PDS5B: variants seen among roughly 807,000 people sequenced by gnomAD.
The protein encoded by PDS5B is sister chromatid cohesion protein PDS5 homolog B.
PDS5B carries 51 observed loss-of-function variants against 184.1 expected under a neutral mutation model. The observed-to-expected ratio is 0.28, with a 90% confidence interval of 0.22 to 0.35. The LOEUF (loss-of-function observed/expected upper bound fraction) is 0.35. Ranked by LOEUF, PDS5B falls within the 10% of genes least tolerant of loss-of-function variation. PDS5B has a pLI of 1.00. For synonymous variants in PDS5B, 566 were observed against 569.2 expected, an observed-to-expected ratio of 0.99 and a Z score of 0.08; for missense variants, 1,180 against 1,723.3, an observed-to-expected ratio of 0.68 and a Z score of 5.58.
At chr13:32,768,032 T>C (rs1292814804) in intron 31 of PDS5B, among the ~76,000 whole-genome samples, 1 of 152,174 alleles carries the variant, frequency 6.6e-6, no homozygotes, top group Admixed American at 6.5e-5. Context: ...TCTTTGGGAG[T>C]GGAAAATCCA....
intron 1 of PDS5B, among the ~76,000 whole-genome samples, chr13:32,614,717 G>A (rs1044775945): frequency 6.6e-6 from 1 of 152,316 alleles, no homozygotes; most frequent in Non-Finnish European, 1.5e-5. Context: ...TTTTACAAAC[G>A]TAAAAACGTT....
chr13:32,620,965 A>G (rs758282254), intron 1 of PDS5B, among the ~76,000 whole-genome samples: 6 of 152,244 alleles, frequency 3.9e-5, no homozygotes, highest in African/African-American at 1.4e-4. Context: ...TGGCCAACAT[A>G]GTAACCACTA....
At position 32,739,537 on chromosome 13, in the gene PDS5B, GA is replaced by G. The variant is rs1347978676; in HGVS notation, c.2407-1541del. ...AAATTCTAATTTTGTCAATTATAAA[GA>G]ATGCCAGCTTTGATTATTTTCTAAT... On this transcript the variant is annotated intron_variant, in intron 21 of 34. Transcript: ENST00000315596. Among the ~76,000 whole-genome samples, 5 of 152,032 alleles carry G rather than the reference GA, an allele frequency of 3.3e-5. No individual in the cohort carries two copies. In the East Asian group the frequency reaches 9.6e-4, roughly 29 times the overall value.
intron 1 of PDS5B, among the ~76,000 whole-genome samples, chr13:32,604,953 T>G (rs1010499999): frequency 6.6e-6 from 1 of 152,194 alleles, no homozygotes; most frequent in African/African-American, 2.4e-5. Flanking sequence ...ATCTATTTGA[T>G]TCTTCTCTCT....
In PDS5B at chr13:32,698,548, ATT is replaced by A. The variant is rs1352609062; in HGVS notation, c.1601-1181_1601-1180del. On this transcript the variant is annotated intron_variant, in intron 15 of 34. Coordinates refer to ENST00000315596, the MANE Select transcript of PDS5B (RefSeq NM_015032.4). ...TCTCTTTCCTTGCAGATTTTTTTCT[ATT>A]ACAGAAACAGGAAAAGGTCATACAG... 2.6e-5 allele frequency among the ~76,000 whole-genome samples: 4 copies of A among 152,090 alleles called. No homozygotes were observed. The East Asian group carries it at 7.7e-4, about 29-fold the overall frequency.
intron 1 of PDS5B, among the ~76,000 whole-genome samples, chr13:32,630,354 C>G (rs1367485273): frequency 6.6e-6 from 1 of 152,124 alleles, no homozygotes; most frequent in Non-Finnish European, 1.5e-5. Flanking sequence ...TTGGCAATGT[C>G]TGGAGACATT....
chr13:32,755,318 T>C (rs897867964), intron 25 of PDS5B, among the ~76,000 whole-genome samples: 2 of 152,176 alleles, frequency 1.3e-5, no homozygotes, highest in African/African-American at 4.8e-5. Context: ...TGTTTCTTTA[T>C]TTAAAATGCC....
intron 17 of PDS5B, among the ~76,000 whole-genome samples, chr13:32,706,461 G>A (rs571744556): frequency 6.6e-6 from 1 of 151,986 alleles, no homozygotes; most frequent in Non-Finnish European, 1.5e-5. Flanking sequence ...CACCTTTTAG[G>A]AGGAGGCCTA....
chr13:32,638,858 G>A (rs1304667617), intron 1 of PDS5B, among the ~76,000 whole-genome samples: 1 of 151,906 alleles, frequency 6.6e-6, no homozygotes, highest in Non-Finnish European at 1.5e-5. Flanking sequence ...GAGGGAATGG[G>A]TGCAAATGTA....
chr13:32,752,326 A>G (rs971098927), intron 24 of PDS5B, among the ~76,000 whole-genome samples: 3 of 152,164 alleles, frequency 2.0e-5, no homozygotes, highest in Non-Finnish European at 2.9e-5. Flanking sequence ...AACGCGTAAT[A>G]TATATAGGAT....
intron 17 of PDS5B, among the ~76,000 whole-genome samples, chr13:32,703,197 A>G (rs1289529211): frequency 2.0e-5 from 3 of 152,228 alleles, no homozygotes; most frequent in Non-Finnish European, 2.9e-5. Context: ...ATGAGAATGG[A>G]TTAATCTGCT....
intron 23 of PDS5B, 151 bp from the exon 24 acceptor site, chr13:32,745,826 A>G: frequency 1.2e-5 from 8 of 640,674 alleles, no homozygotes; most frequent in Non-Finnish European, 1.9e-5. Context: ...CTTGCATTTC[A>G]ACATAGGAAT....
chr13:32,704,726 T>C (rs1379649309), intron 17 of PDS5B, among the ~76,000 whole-genome samples: 1 of 152,244 alleles, frequency 6.6e-6, no homozygotes, highest in Non-Finnish European at 1.5e-5. Flanking sequence ...TTCCGTAAAA[T>C]TTATTGGCTG....
At chr13:32,618,324 C>T (rs2058248009) in intron 1 of PDS5B, among the ~76,000 whole-genome samples, 1 of 152,144 alleles carries the variant, frequency 6.6e-6, no homozygotes, top group Non-Finnish European at 1.5e-5. Flanking sequence ...ATTTCAGTTA[C>T]CAGTGGTCAA....
intron 3 of PDS5B, among the ~76,000 whole-genome samples, chr13:32,656,595 C>CT (rs561702930): frequency 0.38 from 48,447 of 128,176 alleles, 9,225 homozygotes; most frequent in Non-Finnish European, 0.45. Context: ...CTTTTTGTGG[C>CT]TTTTTTTTTT....
intron 1 of PDS5B, among the ~76,000 whole-genome samples, chr13:32,597,534 AAAAG>A (rs1052632984): frequency 1.1e-4 from 17 of 151,868 alleles, no homozygotes; most frequent in Non-Finnish European, 1.3e-4. Context: ...CTCTTTAAAA[AAAAG>A]AAAGAGGCCG....
chr13:32,760,520 G>A (rs572787245), intron 29 of PDS5B, 55 bp from the exon 30 acceptor site: 59 of 1,545,768 alleles, frequency 3.8e-5, no homozygotes, highest in African/African-American at 1.8e-4. Flanking sequence ...TTCTTTACAC[G>A]TAACTTTCTT....
chr13:32,589,951 A>G (rs2140455942), intron 1 of PDS5B, among the ~76,000 whole-genome samples: 1 of 152,298 alleles, frequency 6.6e-6, no homozygotes, highest in East Asian at 1.9e-4. Flanking sequence ...TAATTAGTTC[A>G]GAATTAAGAA....
intron 19 of PDS5B, among the ~76,000 whole-genome samples, chr13:32,713,844 C>G (rs769703995): frequency 2.0e-5 from 3 of 152,116 alleles, no homozygotes; most frequent in Non-Finnish European, 4.4e-5. Flanking sequence ...GCTAAATTTT[C>G]AGGGATTGCA....
Sources: allele counts gnomAD v4.1 joint callset (sites outside exome capture counted in the v4.1 genomes callset), GRCh38; gene constraint gnomAD v4.1.1; transcripts MANE v1.5; gene names NCBI Gene and HGNC (gene_info 2026-07-23, HGNC 2026-07-21).